Variants in MID1 observed in about 807,000 individuals in gnomAD.
The protein encoded by MID1 is E3 ubiquitin-protein ligase Midline-1.
Under a neutral mutation model 40.4 loss-of-function variants are expected in MID1, and 7 were observed. The observed-to-expected ratio is 0.17, with a 90% confidence interval of 0.10 to 0.33. MID1 has a LOEUF of 0.33. Ranked by LOEUF, MID1 falls within the 10% of genes least tolerant of loss-of-function variation. MID1 has a pLI of 1.00. For synonymous variants in MID1, 229 were observed against 221.2 expected (o/e 1.04, Z -0.31); for missense variants, 367 against 558.5 (o/e 0.66, Z 3.46).
intron 1 of MID1, among the ~76,000 whole-genome samples, chrX:10,806,200 T>G (rs929924473): frequency 1.8e-4 from 20 of 111,177 alleles, no homozygotes; most frequent in Non-Finnish European, 3.4e-4. Flanking sequence ...GTTTTTATGG[T>G]TTTAGGTCTA....
At chrX:10,793,592 A>G (rs1324727323) in intron 1 of MID1, among the ~76,000 whole-genome samples, 1 of 111,822 alleles carries the variant, frequency 8.9e-6, no homozygotes, top group Non-Finnish European at 1.9e-5. Context: ...TTTAAAACTG[A>G]AATCAGCCCA....
rs765790266 is a variant in MID1, at chrX:10,606,864, T to C, written c.-57+13426A>G. On this transcript the variant is annotated intron_variant, in intron 1 of 9. Transcript: ENST00000317552. ...CTCCCGACTCAGCCTCCCAAGTAGC[T>C]GGGACTACAGGTTTGCACCACCAGG... 1.2e-3 allele frequency among the ~76,000 whole-genome samples: 134 copies of C among 111,265 alleles called. 1 individual carries two copies. Among genetic ancestry groups the C allele is most frequent in the Non-Finnish European group, 1.9e-3 (102 of 53,090 alleles).
At chrX:10,591,830 T>C (rs909900010) in intron 1 of MID1, among the ~76,000 whole-genome samples, 11 of 111,033 alleles carry the variant, frequency 9.9e-5, no homozygotes, top group Admixed American at 4.8e-4. Flanking sequence ...CCTGGGGTGT[T>C]GAACTCCAAA....
chrX:10,471,836 G>A (rs763201372), intron 6 of MID1, among the ~76,000 whole-genome samples: 13 of 112,068 alleles, frequency 1.2e-4, no homozygotes, highest in Admixed American at 2.8e-4. Context: ...GAAAGAAAAC[G>A]TATGTTCAAA....
At chrX:10,594,305 C>T (rs919628336) in intron 1 of MID1, among the ~76,000 whole-genome samples, 5 of 111,310 alleles carry the variant, frequency 4.5e-5, no homozygotes, top group African/African-American at 1.6e-4. Flanking sequence ...TATTTTTGTT[C>T]GCTTTGTCCT....
At chrX:10,714,393 C>G (rs749569128) in intron 1 of MID1, among the ~76,000 whole-genome samples, 17 of 111,578 alleles carry the variant, frequency 1.5e-4, no homozygotes, top group African/African-American at 5.2e-4. Context: ...ACCCTCAATC[C>G]CAAAGGGAGC....
chrX:10,465,214 T>TATATAC (rs1477864693), intron 7 of MID1, among the ~76,000 whole-genome samples: 29 of 39,898 alleles, frequency 7.3e-4, no homozygotes, highest in African/African-American at 1.4e-3. Context: ...TATATATATA[T>TATATAC]ACACACACAC....
At chrX:10,827,657 G>A (rs2044224883) in intron 1 of MID1, among the ~76,000 whole-genome samples, 1 of 111,082 alleles carries the variant, frequency 9.0e-6, no homozygotes, top group Admixed American at 9.6e-5. Flanking sequence ...GATGTGTAGT[G>A]ACTTGATGGG....
At chrX:10,768,532 G>A (rs1393698559) in intron 1 of MID1, among the ~76,000 whole-genome samples, 2 of 111,495 alleles carry the variant, frequency 1.8e-5, no homozygotes, top group Admixed American at 1.9e-4. Context: ...ATGATTTCTG[G>A]AGCCAACTCT....
intron 2 of MID1, among the ~76,000 whole-genome samples, chrX:10,557,283 C>T (rs1252478288): frequency 8.9e-6 from 1 of 111,948 alleles, no homozygotes; most frequent in East Asian, 2.8e-4. Flanking sequence ...TCCCAGACAG[C>T]ATGGTAAGGC....
chrX:10,605,316 G>A (rs747497501), intron 1 of MID1, among the ~76,000 whole-genome samples: 1 of 111,844 alleles, frequency 8.9e-6, no homozygotes, highest in African/African-American at 3.2e-5. Flanking sequence ...GGCTCTGTAG[G>A]AAAGGGAAGT....
intron 1 of MID1, among the ~76,000 whole-genome samples, chrX:10,780,475 T>C (rs2043837845): frequency 8.9e-6 from 1 of 112,227 alleles, no homozygotes; most frequent in Admixed American, 9.5e-5. Context: ...TTGTATACAC[T>C]GCAGGCAGCA....
intron 1 of MID1, among the ~76,000 whole-genome samples, chrX:10,796,055 A>C (rs2147142208): frequency 8.9e-6 from 1 of 112,432 alleles, no homozygotes; most frequent in East Asian, 2.8e-4. Context: ...CTTGGTGGGA[A>C]GAAAGAATAA....
intron 1 of MID1, among the ~76,000 whole-genome samples, chrX:10,634,556 G>A (rs1369310186): frequency 1.8e-5 from 2 of 109,660 alleles, no homozygotes; most frequent in African/African-American, 6.7e-5. Context: ...TTTAAATTGA[G>A]TGCTGGCATT....
chrX:10,775,540 T>C (rs1343371530), intron 1 of MID1, among the ~76,000 whole-genome samples: 1 of 112,502 alleles, frequency 8.9e-6, no homozygotes, highest in Non-Finnish European at 1.9e-5. Context: ...GAATGCATTA[T>C]TTGTTTTCAG....
At chrX:10,718,642 T>C (rs2043323788) in intron 1 of MID1, among the ~76,000 whole-genome samples, 1 of 111,652 alleles carries the variant, frequency 9.0e-6, no homozygotes, top group African/African-American at 3.3e-5. Flanking sequence ...GTACCATTCC[T>C]TTTGAAACGA....
chrX:10,659,453 C>A (rs2147581911), intron 1 of MID1, among the ~76,000 whole-genome samples: 1 of 111,777 alleles, frequency 8.9e-6, no homozygotes, highest in South Asian at 3.8e-4. Context: ...ACAAACATAT[C>A]AAGGTAAACA....
chrX:10,792,365 A>G (rs750693430), intron 1 of MID1, among the ~76,000 whole-genome samples: 1 of 111,939 alleles, frequency 8.9e-6, no homozygotes, highest in South Asian at 3.8e-4. Context: ...AAAACCGTCG[A>G]TGGTAATACT....
intron 1 of MID1, among the ~76,000 whole-genome samples, chrX:10,632,948 C>T (rs1454401716): frequency 8.9e-6 from 1 of 111,736 alleles, no homozygotes; most frequent in African/African-American, 3.3e-5. Context: ...AAGTGTGGGA[C>T]CTCATGTAAC....
Sources: gnomAD v4.1 joint callset for allele counts (sites outside exome capture counted in the v4.1 genomes callset) on GRCh38, gnomAD v4.1.1 for gene constraint, MANE v1.5 for transcripts, NCBI Gene and HGNC (gene_info 2026-07-23, HGNC 2026-07-21) for gene names.